The following ZDHHC14 variants were observed in gnomAD, a reference collection of about 807,000 sequenced individuals.
The protein encoded by ZDHHC14 is palmitoyltransferase ZDHHC14.
A neutral mutation model predicts 47.7 loss-of-function variants in ZDHHC14; 16 were observed. The observed-to-expected ratio is 0.34, with a 90% CI of 0.23 to 0.51. The LOEUF (loss-of-function observed/expected upper bound fraction) is 0.51, where lower values mean the gene tolerates loss of function less well. ZDHHC14 is among the 20% of genes least tolerant of loss of function. The pLI, the probability that ZDHHC14 is intolerant of heterozygous loss-of-function variation, is 0.97. For missense variants in ZDHHC14, 515 were observed against 662.5 expected (o/e 0.78, Z 2.44); for synonymous variants, 293 against 278.9 (o/e 1.05, Z -0.50).
chr6:157,534,788 G>A (rs765042607), intron 1 of ZDHHC14, among the ~76,000 whole-genome samples: 1 of 151,374 alleles, frequency 6.6e-6, no homozygotes, highest in African/African-American at 2.4e-5. Flanking sequence ...ACGGGGTTTC[G>A]CCATGTTGCC....
chr6:157,517,649 T>A (rs1780745628), intron 1 of ZDHHC14, among the ~76,000 whole-genome samples: 1 of 152,016 alleles, frequency 6.6e-6, no homozygotes, highest in Non-Finnish European at 1.5e-5. Flanking sequence ...ATCTTGAAAA[T>A]TTCTGTCAGG....
chr6:157,438,772 C>T (rs568549928), intron 1 of ZDHHC14, among the ~76,000 whole-genome samples: 14 of 152,160 alleles, frequency 9.2e-5, no homozygotes, highest in Non-Finnish European at 2.1e-4. Context: ...CCAAAATATT[C>T]GTGTTGGTGT....
chr6:157,527,749 T>C (rs997606847), intron 1 of ZDHHC14, among the ~76,000 whole-genome samples: 1 of 152,240 alleles, frequency 6.6e-6, no homozygotes, highest in Non-Finnish European at 1.5e-5. Context: ...TGTAACGGTC[T>C]CTCAGGAAGT....
intron 1 of ZDHHC14, among the ~76,000 whole-genome samples, chr6:157,484,064 T>C (rs1393299607): frequency 2.0e-5 from 3 of 151,750 alleles, no homozygotes. Flanking sequence ...ATACCTCATG[T>C]TTTAACTTAT....
intron 4 of ZDHHC14, chr6:157,631,018 A>G (rs1217070134): frequency 6.7e-6 from 1 of 148,842 alleles, no homozygotes; most frequent in East Asian, 2.0e-4. Flanking sequence ...TCACACCTTT[A>G]CACACCCACT....
At chr6:157,657,537 T>C (rs1015520715) in intron 8 of ZDHHC14, among the ~76,000 whole-genome samples, 1 of 152,164 alleles carries the variant, frequency 6.6e-6, no homozygotes, top group Non-Finnish European at 1.5e-5. Flanking sequence ...GCACATGATA[T>C]GTGCACGAAA....
chr6:157,570,830 T>C (rs35878728), intron 2 of ZDHHC14, among the ~76,000 whole-genome samples: 80,226 of 151,088 alleles, frequency 0.53, 21,834 homozygotes, highest in African/African-American at 0.67. Context: ...TATATATATA[T>C]ACACACACAC....
intron 1 of ZDHHC14, among the ~76,000 whole-genome samples, chr6:157,393,653 T>C (rs1777464050): frequency 6.6e-6 from 1 of 152,226 alleles, no homozygotes; most frequent in South Asian, 2.1e-4. Flanking sequence ...CACTTTTCCC[T>C]TTCTCTCATA....
intron 3 of ZDHHC14, among the ~76,000 whole-genome samples, chr6:157,596,690 A>G (rs1014967797): frequency 6.6e-6 from 1 of 152,156 alleles, no homozygotes; most frequent in African/African-American, 2.4e-5. Flanking sequence ...CCCAGCTGTT[A>G]CCACATCTGT....
chr6:157,627,441 A>G (rs902151263), intron 3 of ZDHHC14, among the ~76,000 whole-genome samples: 3 of 152,190 alleles, frequency 2.0e-5, no homozygotes, highest in Non-Finnish European at 2.9e-5. Context: ...TGGTGTTCTC[A>G]ATAGAAGATC....
intron 2 of ZDHHC14, among the ~76,000 whole-genome samples, chr6:157,581,875 T>C (rs941144148): frequency 6.6e-6 from 1 of 152,064 alleles, no homozygotes; most frequent in South Asian, 2.1e-4. Context: ...CTTGCTTCTT[T>C]ATCCAGGTTG....
chr6:157,430,915 A>G (rs1293602405), intron 1 of ZDHHC14, among the ~76,000 whole-genome samples: 1 of 152,230 alleles, frequency 6.6e-6, no homozygotes, highest in East Asian at 1.9e-4. Flanking sequence ...TCTCTGGAGA[A>G]AGATGGGCCT....
rs757240286 is a variant in ZDHHC14, at chr6:157,647,388, G to C, written c.965+20G>C. ...ACCAAGGTAAGACTCAGGACGCATC[G>C]TGCTCTTCAACAGACCTTGGAAAAC... is the stretch of plus-strand genomic sequence containing the variant. On this transcript the variant is annotated intron_variant, in intron 7 of 8. Coordinates refer to ENST00000359775, the MANE Select transcript of ZDHHC14 (RefSeq NM_024630.3). 1 of 1,592,244 alleles carries C rather than the reference G, an allele frequency of 6.3e-7. No individual in the cohort carries two copies. Among genetic ancestry groups the C allele is most frequent in the South Asian group, 1.1e-5 (1 of 88,912 alleles).
At chr6:157,513,489 A>C (rs1583732784) in intron 1 of ZDHHC14, among the ~76,000 whole-genome samples, 1 of 152,052 alleles carries the variant, frequency 6.6e-6, no homozygotes, top group Non-Finnish European at 1.5e-5. Context: ...TTTTTACCTG[A>C]TTGCACCCCG....
intron 1 of ZDHHC14, among the ~76,000 whole-genome samples, chr6:157,441,833 G>A (rs1025047809): frequency 1.1e-4 from 17 of 151,908 alleles, no homozygotes; most frequent in African/African-American, 3.4e-4. Flanking sequence ...GTGAGACTCC[G>A]AATCAAAAAA....
chr6:157,430,864 A>T (rs1375889283), intron 1 of ZDHHC14, among the ~76,000 whole-genome samples: 1 of 152,258 alleles, frequency 6.6e-6, no homozygotes, highest in African/African-American at 2.4e-5. Flanking sequence ...ACATGTGTGC[A>T]TGTGATAAAT....
intron 1 of ZDHHC14, among the ~76,000 whole-genome samples, chr6:157,538,236 G>A (rs1482258180): frequency 2.0e-5 from 3 of 152,194 alleles, no homozygotes; most frequent in African/African-American, 7.2e-5. Context: ...GAGGGTCTTA[G>A]AGGTTCCAGC....
intron 2 of ZDHHC14, among the ~76,000 whole-genome samples, chr6:157,589,362 A>G (rs753066927): frequency 1.3e-5 from 2 of 152,184 alleles, no homozygotes; most frequent in Non-Finnish European, 2.9e-5. Context: ...AAACCAAACT[A>G]TATCAACATC....
At chr6:157,469,641 C>T (rs765436661) in intron 1 of ZDHHC14, among the ~76,000 whole-genome samples, 9 of 152,184 alleles carry the variant, frequency 5.9e-5, no homozygotes, top group Non-Finnish European at 1.0e-4. Flanking sequence ...GCTGATGGAA[C>T]GATCATGTCA....
Sources: allele counts gnomAD v4.1 joint callset (sites outside exome capture counted in the v4.1 genomes callset), GRCh38; gene constraint gnomAD v4.1.1; transcripts MANE v1.5; gene names NCBI Gene and HGNC (gene_info 2026-07-23, HGNC 2026-07-21).